DLGAP4: variants seen among roughly 807,000 people sequenced by gnomAD.
DLGAP4 encodes disks large-associated protein 4.
DLGAP4 carries 18 observed loss-of-function variants against 86.9 expected under a neutral mutation model. The observed-to-expected ratio is 0.21, with a 90% CI of 0.14 to 0.31. The LOEUF is 0.31. Among genes scored for constraint, DLGAP4 ranks in the 10% least tolerant of loss-of-function variants. The probability of loss-of-function intolerance (pLI) is 1.00; values close to 1 mark genes in which losing one functional copy is unlikely to be tolerated. For missense variants in DLGAP4, 1,085 were observed against 1,362.6 expected, an observed-to-expected ratio of 0.80 and a Z score of 3.21; for synonymous variants, 548 against 574.3, an observed-to-expected ratio of 0.95 and a Z score of 0.65.
At chr20:36,417,783 T>TG (rs1555900261) in intron 2 of DLGAP4, among the ~76,000 whole-genome samples, 27 of 150,898 alleles carry the variant, frequency 1.8e-4, no homozygotes, top group Middle Eastern at 3.4e-3. Flanking sequence ...GTTTTTTTTT[T>TG]TTGTTGTTGT....
chr20:36,518,254 C>T lies in DLGAP4; in HGVS notation c.2513-5996C>T, dbSNP rs572104381. Among the ~76,000 whole-genome samples the T allele has an allele frequency of 5.3e-5, 8 of 151,778 alleles. No homozygotes were observed. The South Asian group carries it at 1.7e-3, about 32-fold the overall frequency. ...AAAAAAAAAAACCAGGATTTTATTT[C>T]ATGGTTGTGTATAACTCTAGTTTTG... On this transcript the variant is annotated intron_variant, in intron 10 of 12. Coordinates refer to ENST00000339266, the MANE Select transcript of DLGAP4 (RefSeq NM_001365621.2).
At chr20:36,351,707 G>A (rs782015406) in intron 1 of DLGAP4, among the ~76,000 whole-genome samples, 1 of 152,132 alleles carries the variant, frequency 6.6e-6, no homozygotes, top group Non-Finnish European at 1.5e-5. Context: ...GTTCCTGGTG[G>A]CGAAAAGGTT....
intron 7 of DLGAP4, among the ~76,000 whole-genome samples, chr20:36,479,580 G>A (rs538443025): frequency 6.6e-6 from 1 of 152,286 alleles, no homozygotes; most frequent in African/African-American, 2.4e-5. Flanking sequence ...TTTGGCAGGA[G>A]TGATGCTGGA....
intron 7 of DLGAP4, among the ~76,000 whole-genome samples, chr20:36,452,814 T>C (rs1406707636): frequency 6.6e-6 from 1 of 150,958 alleles, no homozygotes; most frequent in Admixed American, 6.6e-5. Flanking sequence ...TTGGCCTTTT[T>C]CTTGTGTAAG....
intron 1 of DLGAP4, among the ~76,000 whole-genome samples, chr20:36,348,070 T>G (rs2030005210): frequency 6.6e-6 from 1 of 152,174 alleles, no homozygotes; most frequent in Admixed American, 6.5e-5. Context: ...AAGCTGATTT[T>G]CTTAGAAACT....
rs575095903 is a variant in DLGAP4, at chr20:36,306,631, G to A, written c.-304+119G>A. On this transcript the variant is annotated intron_variant, in intron 1 of 12. Transcript: ENST00000339266. The surrounding 1 kb of genome is among the most constrained non-coding windows in gnomAD (Gnocchi z 4.9). ...CCCGACAGACCTCCCTGAACCGGGG[G>A]ACGGCGCTGGCGCAGAAAAGCCCCC... The A allele has an allele frequency of 2.2e-4, 33 of 152,134 alleles. No individual in the cohort carries two copies. Among genetic ancestry groups the A allele is most frequent in the Admixed American group, 2.1e-3 (32 of 15,298 alleles). 9.4% of individuals were successfully genotyped at this position (152,134 alleles called of 1,614,324 possible).
chr20:36,330,558 ATTTT>A (rs113329878), intron 1 of DLGAP4, among the ~76,000 whole-genome samples: 2 of 131,002 alleles, frequency 1.5e-5, no homozygotes, highest in Non-Finnish European at 3.2e-5. Context: ...GACTTTTGGG[ATTTT>A]TTTTTTTTTT....
chr20:36,377,160 A>G (rs1195349339), intron 2 of DLGAP4, among the ~76,000 whole-genome samples: 1 of 152,216 alleles, frequency 6.6e-6, no homozygotes, highest in Admixed American at 6.5e-5. Flanking sequence ...AGGAGATCCC[A>G]GCTTAGGCTA....
At chr20:36,476,048 AG>A (rs1748235902) in intron 7 of DLGAP4, among the ~76,000 whole-genome samples, 1 of 151,796 alleles carries the variant, frequency 6.6e-6, no homozygotes, top group South Asian at 2.1e-4. Context: ...TAGTAGAGAC[AG>A]GGTTTCACCA....
At chr20:36,309,260 C>CCCGT (rs1425391573) in intron 1 of DLGAP4, among the ~76,000 whole-genome samples, 3 of 152,234 alleles carry the variant, frequency 2.0e-5, no homozygotes, top group Non-Finnish European at 2.9e-5. Flanking sequence ...GCTTCATTAC[C>CCCGT]CCGTGCCCAT....
rs577960721 is a variant in DLGAP4 at position 36,503,354 on chromosome 20, C to T, written c.2512+2743C>T. Reference sequence around the variant, plus strand: ...GTTTATTTTAAGAACATGTTCATTGCCCCAAAAAGATGCTCTCTGCTCATT... The same window carrying T: ...GTTTATTTTAAGAACATGTTCATTGTCCCAAAAAGATGCTCTCTGCTCATT... On this transcript the variant is annotated intron_variant, in intron 10 of 12. Coordinates refer to ENST00000339266, the MANE Select transcript of DLGAP4 (RefSeq NM_001365621.2). Among the ~76,000 whole-genome samples, 26 of 152,210 alleles carry T rather than the reference C, an allele frequency of 1.7e-4. No homozygotes were observed. The South Asian group carries it at 5.4e-3, about 32-fold the overall frequency.
At chr20:36,351,085 G>A (rs2147388859) in intron 1 of DLGAP4, among the ~76,000 whole-genome samples, 1 of 152,382 alleles carries the variant, frequency 6.6e-6, no homozygotes, top group East Asian at 1.9e-4. Flanking sequence ...CTGTGAAATG[G>A]GGATCGTAAG....
At chr20:36,415,493 G>C (rs1036209109) in intron 2 of DLGAP4, among the ~76,000 whole-genome samples, 1 of 152,116 alleles carries the variant, frequency 6.6e-6, no homozygotes, top group Non-Finnish European at 1.5e-5. Flanking sequence ...TGACCTCCTT[G>C]TGTAGGTGGG....
intron 2 of DLGAP4, among the ~76,000 whole-genome samples, chr20:36,410,150 C>A (rs1480747692): frequency 6.6e-6 from 1 of 152,164 alleles, no homozygotes; most frequent in Non-Finnish European, 1.5e-5. Context: ...TTCTTGGACC[C>A]CTCTTTTAGA....
At chr20:36,396,389 A>G (rs898730785) in intron 2 of DLGAP4, among the ~76,000 whole-genome samples, 59 of 5,704 alleles carry the variant, frequency 0.01, no homozygotes, top group Non-Finnish European at 0.011. Flanking sequence ...ACATACACAC[A>G]TGCCACATAC....
intron 2 of DLGAP4, among the ~76,000 whole-genome samples, chr20:36,405,676 G>A (rs534382588): frequency 1.6e-4 from 25 of 152,206 alleles, no homozygotes; most frequent in African/African-American, 5.8e-4. Flanking sequence ...GAGAACATGG[G>A]GAGAGGAGCC....
chr20:36,405,975 G>C (rs1052664438), intron 2 of DLGAP4, among the ~76,000 whole-genome samples: 4 of 152,282 alleles, frequency 2.6e-5, no homozygotes, highest in South Asian at 2.1e-4. Flanking sequence ...GGTGCCACCG[G>C]GAGTCTGGAG....
intron 2 of DLGAP4, among the ~76,000 whole-genome samples, chr20:36,423,259 C>T (rs1033905088): frequency 1.3e-5 from 2 of 151,550 alleles, no homozygotes; most frequent in South Asian, 2.1e-4. Flanking sequence ...CTCAGGAGTT[C>T]GAGACCTGGC....
intron 2 of DLGAP4, among the ~76,000 whole-genome samples, chr20:36,422,336 A>G (rs1242261413): frequency 6.6e-6 from 1 of 152,134 alleles, no homozygotes; most frequent in Non-Finnish European, 1.5e-5. Context: ...TAGACTCTCT[A>G]CCTCTGTTAA....
Sources: allele counts gnomAD v4.1 joint callset (sites outside exome capture counted in the v4.1 genomes callset), GRCh38; gene constraint gnomAD v4.1.1; non-coding constraint Gnocchi (gnomAD v3.1); transcripts MANE v1.5; gene names NCBI Gene and HGNC (gene_info 2026-07-23, HGNC 2026-07-21).